TTC39A: variants seen among roughly 807,000 people sequenced by gnomAD.
TTC39A encodes the protein tetratricopeptide repeat protein 39A.
Under a neutral mutation model 82.3 loss-of-function variants are expected in TTC39A, and 46 were observed. The ratio of observed to expected loss-of-function variants is 0.56; its 90% CI spans 0.44 to 0.71. TTC39A has a LOEUF of 0.71. TTC39A is among the 30% of genes least tolerant of loss of function. TTC39A has a pLI of 0.00. For missense variants in TTC39A, 543 were observed against 712.9 expected (o/e 0.76, Z 2.71); for synonymous variants, 254 against 275.2 (o/e 0.92, Z 0.76).
chr1:51,329,481 C>T (rs1259071388), intron 1 of TTC39A, among the ~76,000 whole-genome samples: 1 of 152,222 alleles, frequency 6.6e-6, no homozygotes, highest in Non-Finnish European at 1.5e-5. Flanking sequence ...AGGGTGTCCC[C>T]CAGCAACCCA....
At chr1:51,304,381 G>A (rs1175630932) in intron 8 of TTC39A, among the ~76,000 whole-genome samples, 3 of 152,182 alleles carry the variant, frequency 2.0e-5, no homozygotes, top group Admixed American at 2.0e-4. Context: ...GCACGTTTGA[G>A]AAACATTTAT....
In TTC39A at chr1:51,330,449, G is replaced by C; in HGVS notation, c.29C>G (p.Ala10Gly). 3.1e-6 allele frequency: 3 copies of C among 983,356 alleles called. No homozygotes were observed. The highest frequency in any genetic ancestry group is 3.6e-6 in the Non-Finnish European group (3 of 829,954). The allele number at this position is 983,356 out of a possible 1,614,324, so 60.9% of individuals were successfully genotyped here. A position where few individuals can be genotyped will look rare whatever the true frequency, so the allele number is the denominator to read the frequency against. ...GCCGCGCACTTACCCCGCGGGCAGG[G>C]CTCCTGGGGCGCCGCCAGCCGAGGT... MTSAGGAPG[A>G]LPAGTPESSL... Residue 10 changes from alanine (A) to glycine (G), a missense_variant, in exon 1 of 18, where the codon GCC becomes GGC. Transcript: ENST00000680483. This position sits in a 1 kb window ranked among gnomAD's most constrained non-coding sequence, Gnocchi z 4.5.
At chr1:51,337,164 A>G (rs1209481217) in intron 1 of TTC39A, among the ~76,000 whole-genome samples, 2 of 152,098 alleles carry the variant, frequency 1.3e-5, no homozygotes, top group African/African-American at 2.4e-5. Flanking sequence ...TAGTCTGTCT[A>G]TGGCTCATGA....
At chr1:51,303,386 G>A (rs1013820375) in intron 8 of TTC39A, among the ~76,000 whole-genome samples, 194 bp from the exon 9 acceptor site, 3 of 152,226 alleles carry the variant, frequency 2.0e-5, no homozygotes, top group Admixed American at 6.5e-5. Context: ...AAGGGGACAC[G>A]GCTGCCAAGG....
In TTC39A at chr1:51,302,499, G is replaced by A; in HGVS notation, c.831+7C>T. 2 of 1,609,350 alleles carry A rather than the reference G, an allele frequency of 1.2e-6. No homozygotes were observed. Among genetic ancestry groups the A allele is most frequent in the East Asian group, 2.2e-5 (1 of 44,764 alleles). On this transcript the variant is annotated splice_region_variant and intron_variant, in intron 10 of 17. Transcript: ENST00000680483. ...GCTGGGGGTACCGGGCAGCACATGG[G>A]GCTCACCTTAGGGTACCGGTTCAGG...
At chr1:51,311,834 C>A (rs2148227750) in intron 4 of TTC39A, among the ~76,000 whole-genome samples, 1 of 152,362 alleles carries the variant, frequency 6.6e-6, no homozygotes, top group East Asian at 1.9e-4. Context: ...TCTAAACACC[C>A]ATTGGCCTGA....
At chr1:51,327,735 C>T (rs1361045575) in intron 1 of TTC39A, among the ~76,000 whole-genome samples, 2 of 145,272 alleles carry the variant, frequency 1.4e-5, no homozygotes, top group African/African-American at 2.6e-5. Flanking sequence ...CTCTCTCTGT[C>T]GCCCAGGCTG....
rs901094727 is a variant in TTC39A, at chr1:51,305,535, G to A, written c.589-389C>T. On this transcript the variant is annotated intron_variant, in intron 7 of 17. Coordinates refer to ENST00000680483, the MANE Select transcript of TTC39A (RefSeq NM_001297663.2). ...CCAGCACAGATGCTCACCCCCTCCC[G>A]TAGGAAACCTTCCCCCACTCCATGC... 2.3e-5 allele frequency: 7 copies of A among 301,902 alleles called. No homozygotes were observed. In the East Asian group the frequency reaches 2.5e-4, roughly 11 times the overall value. The allele number at this position is 301,902 out of a possible 1,614,324, so 18.7% of individuals were successfully genotyped here.
At chr1:51,307,549 T>G (rs902545715) in intron 6 of TTC39A, among the ~76,000 whole-genome samples, 1 of 151,904 alleles carries the variant, frequency 6.6e-6, no homozygotes, top group Non-Finnish European at 1.5e-5. Flanking sequence ...GCCTGGCCAA[T>G]GTGGTGAAAC....
chr1:51,318,990 T>C (rs1309820275), intron 2 of TTC39A, among the ~76,000 whole-genome samples: 3 of 151,926 alleles, frequency 2.0e-5, no homozygotes, highest in Admixed American at 2.0e-4. Flanking sequence ...TTAAACAGAC[T>C]CCAGGAACAT....
intron 1 of TTC39A, among the ~76,000 whole-genome samples, chr1:51,341,878 A>G (rs972635197): frequency 2.0e-5 from 3 of 152,162 alleles, no homozygotes; most frequent in African/African-American, 7.2e-5. Context: ...CCTGCCACCA[A>G]ATTAGAAACT....
chr1:51,300,265 T>A (rs974805936), intron 12 of TTC39A: 1 of 152,166 alleles, frequency 6.6e-6, no homozygotes. Flanking sequence ...GTGCCAGACA[T>A]GTTGAGAGCT....
At chr1:51,340,399 G>C (rs972585820) in intron 1 of TTC39A, among the ~76,000 whole-genome samples, 5 of 152,174 alleles carry the variant, frequency 3.3e-5, no homozygotes, top group African/African-American at 1.2e-4. Flanking sequence ...AAAAACAGCA[G>C]GGGGACTCAG....
At chr1:51,292,510 A>C (rs1644259811) in intron 14 of TTC39A, among the ~76,000 whole-genome samples, 1 of 152,168 alleles carries the variant, frequency 6.6e-6, no homozygotes, top group Non-Finnish European at 1.5e-5. Flanking sequence ...AGCTCACTGT[A>C]GCCTTGACCT....
intron 16 of TTC39A, 94 bp downstream of exon 16, chr1:51,289,911 G>A: frequency 2.0e-6 from 2 of 1,019,632 alleles, no homozygotes; most frequent in Non-Finnish European, 2.9e-6. Flanking sequence ...GGTTGGCTAG[G>A]GTCAGCCACT....
chr1:51,320,787 T>C (rs1333682376), intron 2 of TTC39A, among the ~76,000 whole-genome samples: 1 of 151,300 alleles, frequency 6.6e-6, no homozygotes, highest in East Asian at 1.9e-4. Flanking sequence ...AATATTGTGA[T>C]ATAATGACGA....
At chr1:51,335,895 A>G (rs1645968661), upstream of TTC39A, among the ~76,000 whole-genome samples, 1 of 152,120 alleles carries the variant, frequency 6.6e-6, no homozygotes, top group Admixed American at 6.5e-5. Context: ...TCCCATCTAT[A>G]AACCTGGGAT....
chr1:51,306,243 T>C (rs991613736), intron 6 of TTC39A, among the ~76,000 whole-genome samples, 167 bp from the exon 7 acceptor site: 12 of 152,122 alleles, frequency 7.9e-5, no homozygotes, highest in African/African-American at 2.9e-4. Context: ...TCTCCCACCA[T>C]GATAACACAC....
At chr1:51,332,609 G>A (rs1645927494), upstream of TTC39A, among the ~76,000 whole-genome samples, 1 of 152,260 alleles carries the variant, frequency 6.6e-6, no homozygotes, top group Non-Finnish European at 1.5e-5. Flanking sequence ...GGCCTGCCAT[G>A]TTTGCTGTGC....
Sources: allele counts gnomAD v4.1 joint callset (sites outside exome capture counted in the v4.1 genomes callset), GRCh38; gene constraint gnomAD v4.1.1; non-coding constraint Gnocchi (gnomAD v3.1); transcripts MANE v1.5; gene names NCBI Gene and HGNC (gene_info 2026-07-23, HGNC 2026-07-21).